LDLRAD2: variants seen among roughly 807,000 people sequenced by gnomAD.
LDLRAD2 encodes low density lipoprotein receptor class A domain containing 2.
LDLRAD2 carries 25 observed loss-of-function variants against 24.9 expected under a neutral mutation model. The observed-to-expected ratio is 1.00, with a 90% CI of 0.73 to 1.40. The LOEUF is 1.40. LDLRAD2 is among the 40% of genes most tolerant of loss of function. LDLRAD2 has a pLI of 0.00. For synonymous variants in LDLRAD2, 182 were observed against 166.7 expected (o/e 1.09, Z -0.71); for missense variants, 391 against 366.2 (o/e 1.07, Z -0.55).
At position 21,824,583 on chromosome 1, in the gene LDLRAD2, T is replaced by C; in HGVS notation, c.*2368T>C. The stretch of plus-strand genomic sequence containing the variant: ...GCCACTGGCTGTGCTGGTCCGAACC[T>C]CCAGCTCGATGGTCTCGGGCACCTC... On this transcript the variant is annotated 3_prime_UTR_variant, in exon 5 of 5. Transcript: ENST00000344642. This position sits in a 1 kb window ranked among gnomAD's most constrained non-coding sequence, Gnocchi z 5.9. 6.2e-7 allele frequency: 1 copy of C among 1,613,748 alleles called. No individual in the cohort carries two copies. The highest frequency in any genetic ancestry group is 1.3e-5 in the African/African-American group (1 of 74,948).
chr1:21,816,021 A>G lies in LDLRAD2; in HGVS notation c.590A>G (p.Asp197Gly). The G allele has an allele frequency of 6.2e-7, 1 of 1,613,816 alleles. No homozygotes were observed. Residue 197 changes from aspartate (D) to glycine (G), a missense_variant, in exon 3 of 5, where the codon GAC becomes GGC. Physicochemically the swap from Asp to Gly is moderately conservative, Grantham distance 94. Coordinates refer to ENST00000344642, the MANE Select transcript of LDLRAD2 (RefSeq NM_001013693.3). ...CTCGTGTGTGACCCCTGGGGCATGG[A>G]CAACTGTGGCGATGGCAGTGACCAG... ...SSLVCDPWGMDNCGDGSDQGS... is the reference protein window; with the variant it reads ...SSLVCDPWGMGNCGDGSDQGS...
chr1:21,822,418 CCT>C lies in LDLRAD2; in HGVS notation c.*213_*214del, dbSNP rs1484871123. ...TGGGGCAGGGTGGTCATATCCCCCT[CCT>C]CTCTCTCTCAGTCGTGAGTCCTGCC... On this transcript the variant is annotated 3_prime_UTR_variant, in exon 5 of 5. Transcript: ENST00000344642. 3.3e-5 allele frequency: 20 copies of C among 602,742 alleles called. No individual in the cohort carries two copies. The highest frequency in any genetic ancestry group is 7.7e-5 in the South Asian group (4 of 51,800). The allele number at this position is 602,742 out of a possible 1,614,324, so 37.3% of individuals were successfully genotyped here.
Position 21,812,537 on chromosome 1 carries a change from G to A in LDLRAD2, c.85+1G>A, listed in dbSNP as rs1424010148. Reference sequence around the variant, plus strand: ...CTGACTGCAACTGCTTTGGAGACAGGTAAGTATCAGGGGGCTTGGTTGGGG... The same window carrying A: ...CTGACTGCAACTGCTTTGGAGACAGATAAGTATCAGGGGGCTTGGTTGGGG... On this transcript the variant is annotated splice_donor_variant, in intron 1 of 4. Coordinates refer to ENST00000344642, the MANE Select transcript of LDLRAD2 (RefSeq NM_001013693.3). LOFTEE classifies it high-confidence loss of function. The A allele has an allele frequency of 2.5e-6, 4 of 1,613,798 alleles. No homozygotes were observed. Among genetic ancestry groups the A allele is most frequent in the Non-Finnish European group, 3.4e-6 (4 of 1,179,862 alleles).
At position 21,824,348 on chromosome 1, in the gene LDLRAD2, TCCTTGCCTTGG is replaced by T; in HGVS notation, c.*2136_*2146del. 1 of 1,613,814 alleles carries T rather than the reference TCCTTGCCTTGG, an allele frequency of 6.2e-7. No individual in the cohort carries two copies. The highest frequency in any genetic ancestry group is 2.2e-5 in the East Asian group (1 of 44,880). Reference sequence around the variant, plus strand: ...GTCTTGAAGCCCGAGGCTGATGAAGTCCTTGCCTTGGCCGGCCTCTCCCACCTCCTGCCAGG... The same window carrying T: ...GTCTTGAAGCCCGAGGCTGATGAAGTCCGGCCTCTCCCACCTCCTGCCAGG... On this transcript the variant is annotated 3_prime_UTR_variant, in exon 5 of 5. Coordinates refer to ENST00000344642, the MANE Select transcript of LDLRAD2 (RefSeq NM_001013693.3). This position sits in a 1 kb window ranked among gnomAD's most constrained non-coding sequence, Gnocchi z 5.9.
intron 1 of LDLRAD2, among the ~76,000 whole-genome samples, chr1:21,813,369 G>A (rs933464066): frequency 1.3e-5 from 2 of 152,144 alleles, no homozygotes; most frequent in African/African-American, 4.8e-5. Context: ...TACCTTCAGG[G>A]TAGGCTCTGG....
chr1:21,820,522 C>T lies in LDLRAD2; in HGVS notation c.644-928C>T, dbSNP rs1376989581. 3.0e-4 allele frequency among the ~76,000 whole-genome samples: 21 copies of T among 70,180 alleles called. 2 individuals are homozygous for T. Among genetic ancestry groups the T allele is most frequent in the Admixed American group, 2.9e-3 (19 of 6,610 alleles). 46.0% of individuals were successfully genotyped at this position (70,180 alleles called of 152,430 possible). A position where few individuals can be genotyped will look rare whatever the true frequency, so the allele number is the denominator to read the frequency against. On this transcript the variant is annotated intron_variant, in intron 3 of 4. Coordinates refer to ENST00000344642, the MANE Select transcript of LDLRAD2 (RefSeq NM_001013693.3). ...TGGGCGACAGAGCGAGACTCCGTCTCAAAAAAAAAAAAAAAAAAAGAAAAG... is the reference window on the plus strand; with the variant it reads ...TGGGCGACAGAGCGAGACTCCGTCTTAAAAAAAAAAAAAAAAAAAGAAAAG...
Position 21,824,125 on chromosome 1 carries a change from G to A in LDLRAD2, c.*1910G>A, listed in dbSNP as rs1282724948. On this transcript the variant is annotated 3_prime_UTR_variant, in exon 5 of 5. Coordinates refer to ENST00000344642, the MANE Select transcript of LDLRAD2 (RefSeq NM_001013693.3). This position sits in a 1 kb window ranked among gnomAD's most constrained non-coding sequence, Gnocchi z 5.9. ...GTGCCCGGCAGGGTCCCTTACCGCA[G>A]TGCTGTCACCCGGTGCCACTCGCCG... 1.2e-6 allele frequency: 2 copies of A among 1,613,024 alleles called. No individual in the cohort carries two copies. Among genetic ancestry groups the A allele is most frequent in the Non-Finnish European group, 1.7e-6 (2 of 1,179,916 alleles).
intron 2 of LDLRAD2, 86 bp downstream of exon 2, chr1:21,814,909 C>T (rs1456460319): frequency 1.6e-6 from 2 of 1,258,306 alleles, no homozygotes; most frequent in East Asian, 5.9e-5. Context: ...GTGAGGGCCG[C>T]TGCCGACAGG....
intron 2 of LDLRAD2, 58 bp from the exon 3 acceptor site, chr1:21,815,885 C>G (rs1377657250): frequency 6.3e-7 from 1 of 1,595,860 alleles, no homozygotes; most frequent in Non-Finnish European, 8.5e-7. Flanking sequence ...GCCACACATC[C>G]TGCTGTGTCG....
chr1:21,823,478 A>G lies in LDLRAD2; in HGVS notation c.*1263A>G. 1 of 1,600,562 alleles carries G rather than the reference A, an allele frequency of 6.2e-7. No individual in the cohort carries two copies. The highest frequency in any genetic ancestry group is 8.5e-7 in the Non-Finnish European group (1 of 1,177,492). ...TGCCCCCGGTCAGCGTGGCCACGTC[A>G]GGGGCTCCGCCTGCCGGGAGGTGAG... On this transcript the variant is annotated 3_prime_UTR_variant, in exon 5 of 5. Coordinates refer to ENST00000344642, the MANE Select transcript of LDLRAD2 (RefSeq NM_001013693.3).
Position 21,812,390 on chromosome 1 carries a change from C to A in LDLRAD2, c.-62C>A. On this transcript the variant is annotated 5_prime_UTR_variant, in exon 1 of 5. Coordinates refer to ENST00000344642, the MANE Select transcript of LDLRAD2 (RefSeq NM_001013693.3). ...GACCAGGCCCCATACTCCAGTCTCCCCAGAGACCCCAAGCTGAAGATTCTG... is the reference window on the plus strand; with the variant it reads ...GACCAGGCCCCATACTCCAGTCTCCACAGAGACCCCAAGCTGAAGATTCTG... 2.1e-6 allele frequency: 3 copies of A among 1,406,980 alleles called. No homozygotes were observed. Among genetic ancestry groups the A allele is most frequent in the East Asian group, 2.3e-5 (1 of 43,640 alleles). The allele number at this position is 1,406,980 out of a possible 1,614,324, so 87.2% of individuals were successfully genotyped here.
chr1:21,823,197 C>G lies in LDLRAD2; in HGVS notation c.*982C>G, dbSNP rs1446693754. 9 of 1,004,198 alleles carry G rather than the reference C, an allele frequency of 9.0e-6. No homozygotes were observed. Among genetic ancestry groups the G allele is most frequent in the Non-Finnish European group, 1.2e-5 (9 of 727,694 alleles). The allele number at this position is 1,004,198 out of a possible 1,614,324, so 62.2% of individuals were successfully genotyped here. Reference sequence around the variant, plus strand: ...CCTCCAGTCCAGCCCAGGGCGGTAGCAGCAAAGCGTGGCATCGCCTCGGTT... The same window carrying G: ...CCTCCAGTCCAGCCCAGGGCGGTAGGAGCAAAGCGTGGCATCGCCTCGGTT... On this transcript the variant is annotated 3_prime_UTR_variant, in exon 5 of 5. Transcript: ENST00000344642.
intron 3 of LDLRAD2, among the ~76,000 whole-genome samples, chr1:21,816,750 C>T (rs547395164): frequency 6.6e-6 from 1 of 152,244 alleles, no homozygotes; most frequent in East Asian, 1.9e-4. Flanking sequence ...ACACACTTAC[C>T]TTCCCCATCC....
rs899500933 is a variant in LDLRAD2 at position 21,816,264 on chromosome 1, C to T, written c.643+190C>T. 1.2e-4 allele frequency among the ~76,000 whole-genome samples: 19 copies of T among 152,226 alleles called. No individual in the cohort carries two copies. The East Asian group carries it at 2.5e-3, about 20-fold the overall frequency. ...GAACTATGCTGCAGATGATCTCATCCGGCGGATTCCAAATGATGCTTTAGT... is the reference window on the plus strand; with the variant it reads ...GAACTATGCTGCAGATGATCTCATCTGGCGGATTCCAAATGATGCTTTAGT... On this transcript the variant is annotated intron_variant, in intron 3 of 4. Coordinates refer to ENST00000344642, the MANE Select transcript of LDLRAD2 (RefSeq NM_001013693.3).
chr1:21,823,801 A>T lies in LDLRAD2; in HGVS notation c.*1586A>T. 9.5e-7 allele frequency: 1 copy of T among 1,052,880 alleles called. No homozygotes were observed. The highest frequency in any genetic ancestry group is 1.5e-6 in the Non-Finnish European group (1 of 681,882). 65.2% of individuals were successfully genotyped at this position (1,052,880 alleles called of 1,614,324 possible). On this transcript the variant is annotated 3_prime_UTR_variant, in exon 5 of 5. Transcript: ENST00000344642. ...CACGACAGAGTCCCCTCCCTCTGAT[A>T]TCGAGACTCCAGACTCAGAAGTCTG... is the stretch of plus-strand genomic sequence containing the variant.
intron 4 of LDLRAD2, 137 bp from the exon 5 acceptor site, chr1:21,822,065 C>T: frequency 6.5e-7 from 1 of 1,533,980 alleles, no homozygotes; most frequent in Non-Finnish European, 8.8e-7. Context: ...GCCCCCTAAC[C>T]CTCTGAGACT....
intron 1 of LDLRAD2, 136 bp downstream of exon 1, chr1:21,812,672 C>T: frequency 1.4e-6 from 1 of 715,868 alleles, no homozygotes; most frequent in Admixed American, 2.5e-5. Context: ...GAAACTGTGT[C>T]TGGTCTTGCT....
chr1:21,818,813 C>G (rs942218843), intron 3 of LDLRAD2, among the ~76,000 whole-genome samples: 55 of 152,224 alleles, frequency 3.6e-4, no homozygotes, highest in African/African-American at 1.3e-3. Flanking sequence ...CTCAAAGGCC[C>G]TGCACGATCT....
Position 21,813,847 on chromosome 1 carries a change from G to A in LDLRAD2, c.86-551G>A, listed in dbSNP as rs192150659. Among the ~76,000 whole-genome samples, 45 of 149,454 alleles carry A rather than the reference G, an allele frequency of 3.0e-4. No homozygotes were observed. In the East Asian group the frequency reaches 9.0e-3, roughly 30 times the overall value. On this transcript the variant is annotated intron_variant, in intron 1 of 4. Transcript: ENST00000344642. ...GCTTTCAAAAGCAGGAAGAAAAGGG[G>A]CTCCTTATCACACAGCTCTCCCCCT...
Sources: allele counts gnomAD v4.1 joint callset (sites outside exome capture counted in the v4.1 genomes callset), GRCh38; gene constraint gnomAD v4.1.1; non-coding constraint Gnocchi (gnomAD v3.1); transcripts MANE v1.5; gene names NCBI Gene and HGNC (gene_info 2026-07-23, HGNC 2026-07-21).